The following CTNND2 variants were observed in gnomAD, a reference collection of about 807,000 sequenced individuals.
The protein encoded by CTNND2 is catenin delta-2.
A neutral mutation model predicts 144.4 loss-of-function variants in CTNND2; 22 were observed. The observed-to-expected ratio is 0.15, with a 90% CI of 0.11 to 0.22. The LOEUF (loss-of-function observed/expected upper bound fraction) is 0.22. CTNND2 is among the 10% of genes least tolerant of loss of function. The pLI is 1.00. For missense variants in CTNND2, 1,353 were observed against 1,618.8 expected (o/e 0.84, Z 2.82); for synonymous variants, 751 against 695.6 (o/e 1.08, Z -1.25).
chr5:11,473,420 C>A (rs555881584), intron 3 of CTNND2, among the ~76,000 whole-genome samples: 4 of 152,228 alleles, frequency 2.6e-5, no homozygotes, highest in Admixed American at 2.0e-4. Context: ...CAACACATGG[C>A]ATATAAGGGC....
intron 3 of CTNND2, among the ~76,000 whole-genome samples, chr5:11,553,242 C>T (rs748484429): frequency 2.0e-5 from 3 of 152,146 alleles, no homozygotes; most frequent in East Asian, 1.9e-4. Flanking sequence ...AGGTGGCCTG[C>T]GTGAAAGGGA....
chr5:11,150,586 G>GCA (rs1449646106), intron 12 of CTNND2, among the ~76,000 whole-genome samples: 7 of 151,186 alleles, frequency 4.6e-5, no homozygotes, highest in African/African-American at 1.7e-4. Flanking sequence ...TCAGGTGGTG[G>GCA]CAGGTGGTGA....
chr5:11,174,392 G>A (rs1044413904), intron 11 of CTNND2, among the ~76,000 whole-genome samples: 1 of 152,148 alleles, frequency 6.6e-6, no homozygotes, highest in African/African-American at 2.4e-5. Flanking sequence ...TGGTGGTGAA[G>A]GTAATTTGGT....
intron 2 of CTNND2, among the ~76,000 whole-genome samples, chr5:11,686,205 C>G (rs368478983): frequency 2.2e-5 from 3 of 134,962 alleles, no homozygotes; most frequent in Non-Finnish European, 1.5e-5. Flanking sequence ...GACCATGTCT[C>G]AGAAAAAAAA....
chr5:11,116,101 T>C (rs1342248074), intron 13 of CTNND2, among the ~76,000 whole-genome samples: 1 of 152,218 alleles, frequency 6.6e-6, no homozygotes, highest in Non-Finnish European at 1.5e-5. Flanking sequence ...CACAAACTTG[T>C]GACCAGAGTT....
intron 2 of CTNND2, among the ~76,000 whole-genome samples, chr5:11,603,642 T>A (rs1779914808): frequency 6.6e-6 from 1 of 152,176 alleles, no homozygotes; most frequent in Admixed American, 6.5e-5. Context: ...TTATTTTCCC[T>A]AAAAATAAAA....
intron 9 of CTNND2, among the ~76,000 whole-genome samples, chr5:11,304,026 G>A (rs750011495): frequency 2.0e-5 from 3 of 152,064 alleles, no homozygotes; most frequent in South Asian, 2.1e-4. Context: ...CCATGTAAGA[G>A]GTGGCTTTCA....
At chr5:11,856,504 G>A (rs1479392653) in intron 1 of CTNND2, among the ~76,000 whole-genome samples, 2 of 152,126 alleles carry the variant, frequency 1.3e-5, no homozygotes, top group Non-Finnish European at 2.9e-5. Flanking sequence ...TCTGAGTGTC[G>A]AAGGTAGAAA....
chr5:11,035,827 G>A (rs1363527014), intron 16 of CTNND2, among the ~76,000 whole-genome samples: 2 of 147,162 alleles, frequency 1.4e-5, no homozygotes, highest in Non-Finnish European at 3.0e-5. Flanking sequence ...ATTTGTCTTG[G>A]TTTATAATGC....
intron 12 of CTNND2, among the ~76,000 whole-genome samples, chr5:11,131,197 G>A (rs1266214554): frequency 6.6e-6 from 1 of 152,150 alleles, no homozygotes; most frequent in Non-Finnish European, 1.5e-5. Context: ...GCCTTAAAAT[G>A]TATATAATAA....
At chr5:11,003,141 T>C (rs777282170) in intron 18 of CTNND2, among the ~76,000 whole-genome samples, 7 of 152,202 alleles carry the variant, frequency 4.6e-5, no homozygotes, top group Non-Finnish European at 1.0e-4. Context: ...TCACCTTAGC[T>C]GTCCTTGAAG....
chr5:11,753,075 G>A (rs990817860), intron 1 of CTNND2, among the ~76,000 whole-genome samples: 1 of 151,712 alleles, frequency 6.6e-6, no homozygotes, highest in African/African-American at 2.4e-5. Context: ...TACGAGCTCT[G>A]GGGCAGAGAC....
chr5:11,340,395 A>G (rs39930), intron 9 of CTNND2, among the ~76,000 whole-genome samples: 80,659 of 152,062 alleles, frequency 0.53, 21,731 homozygotes, highest in Middle Eastern at 0.63. Context: ...TCTAGAAGAT[A>G]GTAATGCCTT....
intron 1 of CTNND2, among the ~76,000 whole-genome samples, chr5:11,800,948 G>A (rs1485088879): frequency 1.3e-5 from 2 of 152,154 alleles, no homozygotes; most frequent in Non-Finnish European, 2.9e-5. Context: ...ATTTTCTAAT[G>A]AGAAGGTACA....
intron 5 of CTNND2, among the ~76,000 whole-genome samples, chr5:11,409,120 G>T (rs1351043366): frequency 1.3e-5 from 2 of 151,818 alleles, no homozygotes; most frequent in Admixed American, 6.6e-5. Flanking sequence ...ACTAAAAAAT[G>T]TTCCTGTTTT....
intron 2 of CTNND2, among the ~76,000 whole-genome samples, chr5:11,593,665 G>A (rs1779367749): frequency 6.6e-6 from 1 of 152,202 alleles, no homozygotes; most frequent in Admixed American, 6.5e-5. Context: ...CTGGCCTTCT[G>A]CCATGTAAGA....
intron 18 of CTNND2, among the ~76,000 whole-genome samples, chr5:11,000,918 C>T (rs1027912230): frequency 6.6e-6 from 1 of 152,228 alleles, no homozygotes; most frequent in Non-Finnish European, 1.5e-5. Context: ...TGCTAATGAA[C>T]AGCCAGGGCT....
At chr5:10,995,279 C>T (rs1440988707) in intron 18 of CTNND2, among the ~76,000 whole-genome samples, 2 of 152,176 alleles carry the variant, frequency 1.3e-5, no homozygotes, top group East Asian at 3.8e-4. Flanking sequence ...GTAGGGGAAG[C>T]TTCAAAGGAG....
chr5:11,756,790 C>T (rs1166006557), intron 1 of CTNND2, among the ~76,000 whole-genome samples: 2 of 151,358 alleles, frequency 1.3e-5, no homozygotes, highest in African/African-American at 2.4e-5. Context: ...AATCTGTCGA[C>T]AGCTATCCCA....
Sources: allele counts gnomAD v4.1 joint callset (sites outside exome capture counted in the v4.1 genomes callset), GRCh38; gene constraint gnomAD v4.1.1; transcripts MANE v1.5; gene names NCBI Gene and HGNC (gene_info 2026-07-23, HGNC 2026-07-21).